Variants in SUPT3H observed in about 807,000 individuals in gnomAD.
SUPT3H encodes the protein transcription initiation protein SPT3 homolog.
SUPT3H carries 44 observed loss-of-function variants against 44.3 expected under a neutral mutation model. That is an observed-to-expected ratio of 0.99 (90% confidence interval 0.78 to 1.28). The LOEUF (loss-of-function observed/expected upper bound fraction) is 1.28. SUPT3H is among the 50% of genes most tolerant of loss of function. The pLI is 0.00. For synonymous variants in SUPT3H, 124 were observed against 125.6 expected (o/e 0.99, Z 0.09); for missense variants, 380 against 387.1 (o/e 0.98, Z 0.15).
intron 2 of SUPT3H, among the ~76,000 whole-genome samples, chr6:45,115,985 T>C (rs1463999526): frequency 6.6e-6 from 1 of 152,154 alleles, no homozygotes. Flanking sequence ...TTATAGATTA[T>C]GTCAACTCCA....
At chr6:45,112,035 C>T (rs1170892786) in intron 2 of SUPT3H, among the ~76,000 whole-genome samples, 5 of 152,196 alleles carry the variant, frequency 3.3e-5, no homozygotes, top group African/African-American at 1.2e-4. Flanking sequence ...TTAAGAAGTA[C>T]TGCAATGAGC....
intron 2 of SUPT3H, among the ~76,000 whole-genome samples, chr6:45,252,411 G>T (rs1772530487): frequency 6.6e-6 from 1 of 152,128 alleles, no homozygotes; most frequent in Non-Finnish European, 1.5e-5. Flanking sequence ...GAAATAATAT[G>T]ATGAAACAAC....
In SUPT3H at chr6:45,273,271, G is replaced by A. The variant is rs559885268; in HGVS notation, c.101+91930C>T. Among the ~76,000 whole-genome samples, 107 of 152,192 alleles carry A rather than the reference G, an allele frequency of 7.0e-4. 1 individual carries two copies. The highest frequency in any genetic ancestry group is 1.4e-3 in the Admixed American group (22 of 15,276). On this transcript the variant is annotated intron_variant, in intron 2 of 10. Transcript: ENST00000371459. ...CCTTGAAAATTGATGTGGATGGTCC[G>A]CTGCTGTGGGTTTCACAGCATCGCC...
At chr6:44,949,781 A>C (rs992887246) in intron 9 of SUPT3H, among the ~76,000 whole-genome samples, 1 of 152,254 alleles carries the variant, frequency 6.6e-6, no homozygotes, top group African/African-American at 2.4e-5. Flanking sequence ...TAAAAATGAC[A>C]ATGCCAAATG....
chr6:45,316,594 C>T (rs572554442), intron 2 of SUPT3H, among the ~76,000 whole-genome samples: 1 of 152,030 alleles, frequency 6.6e-6, no homozygotes, highest in East Asian at 1.9e-4. Context: ...CTGCAAGACA[C>T]AAAATTAACA....
intron 2 of SUPT3H, among the ~76,000 whole-genome samples, chr6:45,270,125 T>C (rs1457023478): frequency 6.6e-6 from 1 of 152,152 alleles, no homozygotes; most frequent in Non-Finnish European, 1.5e-5. Context: ...GAAAATGTAA[T>C]TGAAAGATAA....
intron 9 of SUPT3H, among the ~76,000 whole-genome samples, chr6:44,940,657 T>C (rs936837071): frequency 1.3e-5 from 2 of 152,144 alleles, no homozygotes; most frequent in Admixed American, 6.6e-5. Flanking sequence ...TATTACTGTA[T>C]TGCTGTCTAT....
intron 2 of SUPT3H, among the ~76,000 whole-genome samples, chr6:45,347,613 G>A (rs16873351): frequency 2.0e-5 from 3 of 151,850 alleles, no homozygotes; most frequent in Non-Finnish European, 4.4e-5. Context: ...CTTGGGGTCT[G>A]TCTGCAAAAG....
downstream of SUPT3H, among the ~76,000 whole-genome samples, chr6:44,823,556 A>C (rs1767511558): frequency 1.3e-5 from 2 of 152,214 alleles, no homozygotes; most frequent in Non-Finnish European, 2.9e-5. Context: ...ACAGCAAGAC[A>C]GCCACTCTTG....
At chr6:45,071,754 T>A (rs1794419465) in intron 3 of SUPT3H, among the ~76,000 whole-genome samples, 1 of 152,088 alleles carries the variant, frequency 6.6e-6, no homozygotes, top group African/African-American at 2.4e-5. Context: ...AGAAGGGAGA[T>A]CATGACTTTC....
At chr6:45,024,857 T>C (rs141649279) in intron 3 of SUPT3H, among the ~76,000 whole-genome samples, 2 of 152,238 alleles carry the variant, frequency 1.3e-5, no homozygotes, top group Admixed American at 1.3e-4. Context: ...AGGAAACAAC[T>C]TCTGTCTGAA....
chr6:45,202,074 A>AT (rs1762529959), intron 2 of SUPT3H, among the ~76,000 whole-genome samples: 1 of 151,950 alleles, frequency 6.6e-6, no homozygotes, highest in African/African-American at 2.4e-5. Flanking sequence ...CAAATCATAT[A>AT]TTTTGCCATT....
chr6:45,334,643 T>C (rs1433409996), intron 2 of SUPT3H, among the ~76,000 whole-genome samples: 1 of 151,182 alleles, frequency 6.6e-6, no homozygotes, highest in South Asian at 2.1e-4. Flanking sequence ...TATGTTCAAC[T>C]TAAATTTCTT....
chr6:45,130,708 A>T (rs1378423736), intron 2 of SUPT3H, among the ~76,000 whole-genome samples: 2 of 114,310 alleles, frequency 1.7e-5, no homozygotes, highest in Non-Finnish European at 3.5e-5. Context: ...AAAAAAAAAA[A>T]CCACTTTTTT....
At chr6:45,292,852 C>A (rs547216402) in intron 2 of SUPT3H, among the ~76,000 whole-genome samples, 2 of 150,822 alleles carry the variant, frequency 1.3e-5, no homozygotes, top group East Asian at 3.9e-4. Context: ...ACTAACAGAC[C>A]TAAGAAATGA....
At chr6:45,036,826 ATTGG>A (rs1787744887) in intron 3 of SUPT3H, among the ~76,000 whole-genome samples, 1 of 152,112 alleles carries the variant, frequency 6.6e-6, no homozygotes, top group South Asian at 2.1e-4. Context: ...ATGACTTTTC[ATTGG>A]TTTATGCCTA....
intron 1 of SUPT3H, among the ~76,000 whole-genome samples, chr6:45,370,831 C>G (rs1375799358): frequency 6.6e-6 from 1 of 152,126 alleles, no homozygotes. Context: ...ACAGGAGTTT[C>G]TAGCATATCC....
rs56199424 is a variant in SUPT3H at position 45,006,920 on chromosome 6, T to C, written c.365-3128A>G. 8.7e-3 allele frequency among the ~76,000 whole-genome samples: 1,319 copies of C among 152,302 alleles called. 24 individuals carry two copies. The highest frequency in any genetic ancestry group is 0.03 in the African/African-American group (1,243 of 41,578). ...AACTACTCAACATACTTCTTTCCTA[T>C]TCTTCCTTTTTCTAACTTTGAAGTT... On this transcript the variant is annotated intron_variant, in intron 5 of 10. Coordinates refer to ENST00000371459, the MANE Select transcript of SUPT3H (RefSeq NM_003599.4).
chr6:45,089,194 T>C (rs1163817346), intron 3 of SUPT3H, among the ~76,000 whole-genome samples: 2 of 152,018 alleles, frequency 1.3e-5, no homozygotes, highest in East Asian at 3.8e-4. Context: ...TAAAAATATA[T>C]AGGTTTTTAA....
Sources: allele counts gnomAD v4.1 joint callset (sites outside exome capture counted in the v4.1 genomes callset), GRCh38; gene constraint gnomAD v4.1.1; transcripts MANE v1.5; gene names NCBI Gene and HGNC (gene_info 2026-07-23, HGNC 2026-07-21).